The following VTI1A variants were observed in gnomAD, a reference collection of about 807,000 sequenced individuals.
VTI1A encodes vesicle transport through interaction with t-SNAREs homolog 1A.
In VTI1A, 22 loss-of-function variants were observed where a neutral mutation model predicts 34.9. The observed-to-expected ratio is 0.63, with a 90% confidence interval of 0.45 to 0.90. The LOEUF is 0.90. VTI1A is among the 40% of genes least tolerant of loss of function. VTI1A has a pLI of 0.00. For missense variants in VTI1A, 268 were observed against 275.6 expected (o/e 0.97, Z 0.20); for synonymous variants, 87 against 97.3 (o/e 0.89, Z 0.62).
intron 7 of VTI1A, among the ~76,000 whole-genome samples, chr10:112,705,071 G>GT (rs11294730): frequency 0.028 from 3,960 of 140,228 alleles, 133 homozygotes; most frequent in African/African-American, 0.08. Context: ...AAGTTTTTAA[G>GT]TTTTTTTTTT....
chr10:112,754,763 C>T (rs1158156337), intron 7 of VTI1A, among the ~76,000 whole-genome samples: 2 of 152,098 alleles, frequency 1.3e-5, no homozygotes, highest in African/African-American at 4.8e-5. Flanking sequence ...TCTGCAGCAT[C>T]CACAAACTTG....
chr10:112,593,829 C>G (rs1013737254), intron 5 of VTI1A, among the ~76,000 whole-genome samples: 2 of 152,146 alleles, frequency 1.3e-5, no homozygotes, highest in Admixed American at 1.3e-4. Context: ...CTTCGCCTCC[C>G]GGGCTCACGC....
At chr10:112,628,558 G>A (rs1434567655) in intron 5 of VTI1A, among the ~76,000 whole-genome samples, 1 of 152,126 alleles carries the variant, frequency 6.6e-6, no homozygotes, top group African/African-American at 2.4e-5. Context: ...ATATTTTACA[G>A]ATTTCCATGG....
intron 7 of VTI1A, among the ~76,000 whole-genome samples, chr10:112,715,138 G>T (rs970400224): frequency 6.6e-6 from 1 of 151,860 alleles, no homozygotes; most frequent in Non-Finnish European, 1.5e-5. Flanking sequence ...GTAACGATGG[G>T]GTAGGCTTGA....
At chr10:112,740,867 T>G (rs1041335573) in intron 7 of VTI1A, among the ~76,000 whole-genome samples, 2 of 151,196 alleles carry the variant, frequency 1.3e-5, no homozygotes, top group African/African-American at 4.8e-5. Context: ...CACAAAAACT[T>G]ATACATGAAT....
chr10:112,521,748 T>C (rs569095439), intron 3 of VTI1A, among the ~76,000 whole-genome samples: 25 of 152,106 alleles, frequency 1.6e-4, no homozygotes, highest in Non-Finnish European at 3.1e-4. Flanking sequence ...CTAAGCCATG[T>C]AGTATGATAC....
At chr10:112,657,007 G>A (rs938888414) in intron 5 of VTI1A, among the ~76,000 whole-genome samples, 1 of 152,106 alleles carries the variant, frequency 6.6e-6, no homozygotes, top group Non-Finnish European at 1.5e-5. Context: ...TCCTGCTCCT[G>A]CCCTGTAAGC....
intron 3 of VTI1A, among the ~76,000 whole-genome samples, chr10:112,496,942 C>A (rs570329060): frequency 6.6e-6 from 1 of 152,226 alleles, no homozygotes; most frequent in South Asian, 2.1e-4. Flanking sequence ...GCTAGCTATT[C>A]TTTCTTTGGC....
chr10:112,606,195 T>G (rs1321580683), intron 5 of VTI1A, among the ~76,000 whole-genome samples: 1 of 151,902 alleles, frequency 6.6e-6, no homozygotes, highest in East Asian at 1.9e-4. Context: ...CTGGCTAATT[T>G]TGTATTTTTA....
At chr10:112,639,051 A>G (rs913627716) in intron 5 of VTI1A, among the ~76,000 whole-genome samples, 3 of 152,130 alleles carry the variant, frequency 2.0e-5, no homozygotes, top group African/African-American at 7.2e-5. Flanking sequence ...GTATCAAGAA[A>G]TCCTACATCT....
At chr10:112,693,815 A>G (rs1034784115) in intron 7 of VTI1A, among the ~76,000 whole-genome samples, 8 of 152,364 alleles carry the variant, frequency 5.3e-5, no homozygotes, top group African/African-American at 1.9e-4. Flanking sequence ...CTTCTGGCCC[A>G]AGAGCCTGTA....
At chr10:112,731,380 C>T (rs1043885729) in intron 7 of VTI1A, among the ~76,000 whole-genome samples, 36 of 152,260 alleles carry the variant, frequency 2.4e-4, no homozygotes, top group Non-Finnish European at 4.4e-4. Context: ...TAAGACCAGC[C>T]TGCCCAACAT....
intron 7 of VTI1A, among the ~76,000 whole-genome samples, chr10:112,681,048 A>T (rs1316657051): frequency 6.6e-6 from 1 of 151,456 alleles, no homozygotes; most frequent in Admixed American, 6.6e-5. Flanking sequence ...TCTTACCTTA[A>T]ACTGTTGAAT....
intron 7 of VTI1A, among the ~76,000 whole-genome samples, chr10:112,672,524 T>G (rs953632071): frequency 2.6e-5 from 4 of 152,306 alleles, no homozygotes; most frequent in Non-Finnish European, 5.9e-5. Flanking sequence ...ACAGTGGAAT[T>G]CAGATAATAA....
At chr10:112,546,006 ATG>A (rs929606240) in intron 5 of VTI1A, among the ~76,000 whole-genome samples, 7 of 143,682 alleles carry the variant, frequency 4.9e-5, no homozygotes, top group African/African-American at 1.6e-4. Context: ...GTATACGCGT[ATG>A]TGTGTGTATA....
intron 5 of VTI1A, among the ~76,000 whole-genome samples, chr10:112,659,428 A>G (rs918057292): frequency 1.3e-5 from 2 of 152,174 alleles, no homozygotes; most frequent in African/African-American, 2.4e-5. Context: ...AACAACCTCA[A>G]TTTACATAGT....
intron 7 of VTI1A, among the ~76,000 whole-genome samples, chr10:112,720,729 GT>G (rs1564898694): frequency 6.6e-6 from 1 of 152,124 alleles, no homozygotes; most frequent in Admixed American, 6.5e-5. Flanking sequence ...TTTGTTTTCC[GT>G]TTGGTTAGCG....
intron 5 of VTI1A, among the ~76,000 whole-genome samples, chr10:112,553,334 C>A (rs370830182): frequency 1.3e-5 from 2 of 152,298 alleles, no homozygotes; most frequent in African/African-American, 4.8e-5. Flanking sequence ...CTTTCTGAGT[C>A]TTAGTTTTCA....
intron 7 of VTI1A, among the ~76,000 whole-genome samples, chr10:112,763,505 G>T (rs561439719): frequency 2.6e-5 from 4 of 151,524 alleles, no homozygotes; most frequent in Admixed American, 2.6e-4. Context: ...AATTTTACAT[G>T]CCTCACCTGC....
Sources: gnomAD v4.1 joint callset for allele counts (sites outside exome capture counted in the v4.1 genomes callset) on GRCh38, gnomAD v4.1.1 for gene constraint, MANE v1.5 for transcripts, NCBI Gene and HGNC (gene_info 2026-07-23, HGNC 2026-07-21) for gene names.